Variants in ROBO2 observed in about 807,000 individuals in gnomAD.
ROBO2 encodes the protein roundabout homolog 2.
A neutral mutation model predicts 160.8 loss-of-function variants in ROBO2; 53 were observed. The ratio of observed to expected loss-of-function variants is 0.33; its 90% CI spans 0.26 to 0.41. The LOEUF is 0.41. Among genes scored for constraint, ROBO2 ranks in the 10% least tolerant of loss-of-function variants. ROBO2 has a pLI of 1.00. For synonymous variants in ROBO2, 664 were observed against 611.7 expected (o/e 1.09, Z -1.26); for missense variants, 1,577 against 1,722.4 (o/e 0.92, Z 1.49).
intron 2 of ROBO2, among the ~76,000 whole-genome samples, chr3:76,971,328 T>C (rs1472369777): frequency 2.0e-5 from 3 of 152,312 alleles, no homozygotes; most frequent in South Asian, 2.1e-4. Flanking sequence ...AATTCTTCTA[T>C]AGAATAAAAA....
chr3:76,095,101 T>A (rs9815763), intron 2 of ROBO2, among the ~76,000 whole-genome samples: 4 of 152,018 alleles, frequency 2.6e-5, no homozygotes, highest in Non-Finnish European at 5.9e-5. Flanking sequence ...TCTTTTAATT[T>A]TGGGCTGAGT....
At chr3:77,572,755 A>G (rs1219037808) in intron 13 of ROBO2, among the ~76,000 whole-genome samples, 1 of 151,778 alleles carries the variant, frequency 6.6e-6, no homozygotes, top group Admixed American at 6.6e-5. Context: ...CTGCATTTTT[A>G]ACTTTCTAAA....
chr3:76,930,296 C>T (rs915070360), intron 2 of ROBO2, among the ~76,000 whole-genome samples: 9 of 152,132 alleles, frequency 5.9e-5, no homozygotes, highest in Admixed American at 1.3e-4. Flanking sequence ...TGTGAGTCAC[C>T]ATGCCCGGCC....
At chr3:77,144,255 A>C (rs1383123725) in intron 2 of ROBO2, among the ~76,000 whole-genome samples, 3 of 152,132 alleles carry the variant, frequency 2.0e-5, no homozygotes, top group East Asian at 3.9e-4. Flanking sequence ...TTCCTTTATC[A>C]AGGCTTACTC....
At chr3:77,358,195 G>C (rs917358084) in intron 2 of ROBO2, among the ~76,000 whole-genome samples, 1 of 152,202 alleles carries the variant, frequency 6.6e-6, no homozygotes, top group African/African-American at 2.4e-5. Context: ...GCAGGGCCAT[G>C]TTCTCTTGGA....
intron 2 of ROBO2, among the ~76,000 whole-genome samples, chr3:76,675,584 T>A (rs264534): frequency 1 from 151,964 of 152,324 alleles, 75,805 homozygotes; most frequent in Middle Eastern, 1. Flanking sequence ...CATGAAGCCT[T>A]CCTAGACTAG....
chr3:76,035,273 T>C (rs1432681673), intron 2 of ROBO2, among the ~76,000 whole-genome samples: 1 of 151,824 alleles, frequency 6.6e-6, no homozygotes, highest in Admixed American at 6.6e-5. Flanking sequence ...CTTGCTGAAT[T>C]AATGCGCATA....
chr3:77,295,289 A>C (rs1174225180), intron 2 of ROBO2, among the ~76,000 whole-genome samples: 1 of 149,388 alleles, frequency 6.7e-6, no homozygotes, highest in East Asian at 2.0e-4. Context: ...TAGATCACCA[A>C]AGACATTAAG....
rs545180605 is a variant in ROBO2, at chr3:75,954,250, G to A, written c.109+16648G>A. On this transcript the variant is annotated intron_variant, in intron 2 of 26. Coordinates refer to the ROBO2 transcript ENST00000487694. ...ATGTATATTTTTTTATTCCTCAGGC[G>A]TCTCCAGTCCTACCACTCTCAAGGA... is the stretch of plus-strand genomic sequence containing the variant. Among the ~76,000 whole-genome samples, 12 of 151,770 alleles carry A rather than the reference G, an allele frequency of 7.9e-5. No homozygotes were observed. The South Asian group carries it at 1.9e-3, about 24-fold the overall frequency.
At chr3:76,453,187 C>G (rs2109300077) in intron 2 of ROBO2, among the ~76,000 whole-genome samples, 1 of 152,222 alleles carries the variant, frequency 6.6e-6, no homozygotes, top group Admixed American at 6.5e-5. Context: ...TAATTAGATC[C>G]CATTTGTCAA....
rs201528213 is a variant in ROBO2, at chr3:77,300,573, TA to T, written c.389-176831del. Among the ~76,000 whole-genome samples the T allele has an allele frequency of 3.0e-3, 449 of 150,076 alleles. 1 individual carries two copies. The highest frequency in any genetic ancestry group is 0.01 in the African/African-American group (415 of 41,044). On this transcript the variant is annotated intron_variant, in intron 2 of 25. Transcript: ENST00000461745. Reference sequence around the variant, plus strand: ...AATACTGATGCTAACAGACTAAATTTAAAAAAAAAATAAATTGTTGATAAGA... The same window carrying T: ...AATACTGATGCTAACAGACTAAATTTAAAAAAAAATAAATTGTTGATAAGA...
At chr3:76,799,374 C>T (rs1373652468) in intron 2 of ROBO2, among the ~76,000 whole-genome samples, 16 of 152,008 alleles carry the variant, frequency 1.1e-4, no homozygotes, top group Non-Finnish European at 4.4e-5. Flanking sequence ...GAAGTTCTAG[C>T]TAAAGCAATC....
Position 77,297,865 on chromosome 3 carries a change from C to T in ROBO2, c.389-179549C>T, listed in dbSNP as rs115058814. 4.9e-3 allele frequency among the ~76,000 whole-genome samples: 746 copies of T among 152,196 alleles called. 5 individuals are homozygous for T. The highest frequency in any genetic ancestry group is 0.017 in the African/African-American group (715 of 41,546). On this transcript the variant is annotated intron_variant, in intron 2 of 25. Transcript: ENST00000461745. ...TTGAACATGTGTAGAAAGGAGGAAACAGACTTTGTCCGGGATAGAAGGCCC... is the reference window on the plus strand; with the variant it reads ...TTGAACATGTGTAGAAAGGAGGAAATAGACTTTGTCCGGGATAGAAGGCCC...
At chr3:77,532,110 G>A (rs1373712964) in intron 6 of ROBO2, among the ~76,000 whole-genome samples, 2 of 152,038 alleles carry the variant, frequency 1.3e-5, no homozygotes, top group Non-Finnish European at 2.9e-5. Context: ...ACACAAGCGC[G>A]GGTTACTTCT....
chr3:77,280,827 C>T (rs1288753527), intron 2 of ROBO2, among the ~76,000 whole-genome samples: 1 of 152,098 alleles, frequency 6.6e-6, no homozygotes, highest in Admixed American at 6.6e-5. Context: ...TGATAGTTTC[C>T]CTTGCCCTAG....
intron 1 of ROBO2, among the ~76,000 whole-genome samples, chr3:77,092,591 ATAATATATATTT>A (rs11276580): frequency 0.28 from 41,252 of 145,710 alleles, 6,321 homozygotes; most frequent in East Asian, 0.55. Context: ...TTTTAATTAA[ATAATATATATTT>A]TAATATATAT....
At chr3:77,437,943 G>A (rs1241039181) in intron 2 of ROBO2, among the ~76,000 whole-genome samples, 1 of 151,930 alleles carries the variant, frequency 6.6e-6, no homozygotes, top group Non-Finnish European at 1.5e-5. Context: ...ATAAAGTGTA[G>A]CAGTATGTTT....
intron 2 of ROBO2, among the ~76,000 whole-genome samples, chr3:76,839,161 GA>G (rs2067994198): frequency 6.6e-6 from 1 of 151,912 alleles, no homozygotes; most frequent in Admixed American, 6.6e-5. Flanking sequence ...AATAGAAAAA[GA>G]AAAAAACTTC....
intron 2 of ROBO2, among the ~76,000 whole-genome samples, chr3:76,355,677 A>T (rs1243055769): frequency 6.6e-6 from 1 of 151,850 alleles, no homozygotes; most frequent in Non-Finnish European, 1.5e-5. Flanking sequence ...CTGGATAAAT[A>T]AAAAATTCTT....
Sources: gnomAD v4.1 joint callset for allele counts (sites outside exome capture counted in the v4.1 genomes callset) on GRCh38, gnomAD v4.1.1 for gene constraint, MANE v1.5 for transcripts, NCBI Gene and HGNC (gene_info 2026-07-23, HGNC 2026-07-21) for gene names.